Variants in IQSEC1 observed in about 807,000 individuals in gnomAD.
The protein encoded by IQSEC1 is IQ motif and Sec7 domain ArfGEF 1.
A neutral mutation model predicts 91.0 loss-of-function variants in IQSEC1; 31 were observed. The observed-to-expected ratio is 0.34, with a 90% CI of 0.26 to 0.46. IQSEC1 has a LOEUF of 0.46. Among genes scored for constraint, IQSEC1 ranks in the 20% least tolerant of loss-of-function variants. IQSEC1 has a pLI of 1.00. For synonymous variants in IQSEC1, 699 were observed against 662.6 expected (o/e 1.05, Z -0.84); for missense variants, 1,388 against 1,575.6 (o/e 0.88, Z 2.02).
chr3:12,967,748 G>A lies in IQSEC1; in HGVS notation c.24-25883C>T. On this transcript the variant is annotated intron_variant, in intron 1 of 13. Transcript: ENST00000613206. The surrounding 1 kb of genome is among the most constrained non-coding windows in gnomAD (Gnocchi z 5.9). ...CCTGAAGTGGGCGGGGCAGGGCGGG[G>A]GCGGGGCCGGAGGGCGAGCTGGGGG... 10 of 1,036,400 alleles carry A rather than the reference G, an allele frequency of 9.6e-6. No individual in the cohort carries two copies. The highest frequency in any genetic ancestry group is 1.2e-5 in the Non-Finnish European group (10 of 860,930). The allele number at this position is 1,036,400 out of a possible 1,614,324, so 64.2% of individuals were successfully genotyped here. A position where few individuals can be genotyped will look rare whatever the true frequency, so the allele number is the denominator to read the frequency against.
At chr3:12,920,706 T>C in intron 5 of IQSEC1, 110 bp from the exon 6 acceptor site, 1 of 1,156,716 alleles carries the variant, frequency 8.6e-7, no homozygotes, top group South Asian at 1.4e-5. Flanking sequence ...CTGCTTCTGG[T>C]GAGCGAGGAT....
Position 13,277,286 on chromosome 3 carries a change from C to A in IQSEC1, c.272+5425G>T, listed in dbSNP as rs532272330. Among the ~76,000 whole-genome samples, 6 of 152,140 alleles carry A rather than the reference C, an allele frequency of 3.9e-5. No individual in the cohort carries two copies. In the East Asian group the frequency reaches 7.7e-4, roughly 20 times the overall value. On this transcript the variant is annotated intron_variant, in intron 1 of 15. Coordinates refer to the IQSEC1 transcript ENST00000648114. ...TCCAACGTGACCGACCCCTCTCACTCCCCCCGGCACAGCAAAGCCTCCTGA... is the reference window on the plus strand; with the variant it reads ...TCCAACGTGACCGACCCCTCTCACTACCCCCGGCACAGCAAAGCCTCCTGA...
chr3:13,076,646 C>T (rs1427668533), upstream of IQSEC1, among the ~76,000 whole-genome samples: 3 of 152,110 alleles, frequency 2.0e-5, no homozygotes, highest in Non-Finnish European at 2.9e-5. Flanking sequence ...AAGTGAACCC[C>T]CCACCCCCGC....
At position 13,228,337 on chromosome 3, in the gene IQSEC1, C is replaced by G. The variant is rs144580464; in HGVS notation, c.272+54374G>C. Among the ~76,000 whole-genome samples, 125 of 152,282 alleles carry G rather than the reference C, an allele frequency of 8.2e-4. 3 individuals carry two copies. The East Asian group carries it at 0.023, about 28-fold the overall frequency. On this transcript the variant is annotated intron_variant, in intron 1 of 15. Transcript: ENST00000648114. ...AACAAAGGAGCAGGGGAAGGAAGCG[C>G]ACACGTGGGGCTTCGTGGGCTGGAA...
At chr3:12,947,127 G>A (rs1000170208) in intron 1 of IQSEC1, among the ~76,000 whole-genome samples, 16 of 152,358 alleles carry the variant, frequency 1.1e-4, no homozygotes, top group African/African-American at 3.4e-4. Context: ...AAGCAGCCTC[G>A]GGGAGATGAT....
intron 1 of IQSEC1, among the ~76,000 whole-genome samples, chr3:13,226,687 C>T (rs538419175): frequency 6.6e-6 from 1 of 152,202 alleles, no homozygotes; most frequent in Non-Finnish European, 1.5e-5. Flanking sequence ...TTCAATAATG[C>T]CCCAGCATGT....
At chr3:12,901,660 T>C in intron 13 of IQSEC1, 138 bp from the exon 14 acceptor site, 1 of 751,156 alleles carries the variant, frequency 1.3e-6, no homozygotes, top group Non-Finnish European at 2.2e-6. Flanking sequence ...AGGGTGGGGC[T>C]CAGTGAGGCT....
intron 1 of IQSEC1, chr3:13,042,216 G>A (rs1348761231): frequency 6.6e-6 from 1 of 152,138 alleles, no homozygotes; most frequent in Admixed American, 6.5e-5. Context: ...AATCGGGCAG[G>A]ATCAGGGCGA....
intron 1 of IQSEC1, among the ~76,000 whole-genome samples, chr3:12,949,456 C>T (rs1259166078): frequency 6.6e-6 from 1 of 152,266 alleles, no homozygotes. Context: ...GCAGTCTGCA[C>T]AGGCCAGAGC....
chr3:13,100,774 TG>T lies in IQSEC1; in HGVS notation c.303-53253del, dbSNP rs372938054. ...GTTCATTGGACACTGGTCTGGGCCA[TG>T]GGGATTGAGCAGTAAGTAGGAAAGA... On this transcript the variant is annotated intron_variant, in intron 2 of 15. Coordinates refer to the IQSEC1 transcript ENST00000648114. 4.9e-4 allele frequency among the ~76,000 whole-genome samples: 73 copies of T among 148,418 alleles called. 7 individuals carry two copies. In the South Asian group the frequency reaches 9.7e-3, roughly 20 times the overall value.
Position 12,899,264 on chromosome 3 carries a change from A to T in IQSEC1, c.*1719T>A. ...TCCCCTCTCCTCCTGCCGTCCGGCC[A>T]CGGCTCACCACGCTGTCCACTGGGA... is the stretch of plus-strand genomic sequence containing the variant. On this transcript the variant is annotated 3_prime_UTR_variant, in exon 14 of 14. Coordinates refer to ENST00000613206, the MANE Select transcript of IQSEC1 (RefSeq NM_001134382.3). The T allele has an allele frequency of 3.7e-6, 4 of 1,079,922 alleles. No individual in the cohort carries two copies. Among genetic ancestry groups the T allele is most frequent in the Non-Finnish European group, 5.4e-6 (4 of 742,504 alleles). 66.9% of individuals were successfully genotyped at this position (1,079,922 alleles called of 1,614,324 possible). A position where few individuals can be genotyped will look rare whatever the true frequency, so the allele number is the denominator to read the frequency against.
chr3:13,167,031 A>G (rs1321439628), intron 1 of IQSEC1, among the ~76,000 whole-genome samples: 1 of 152,148 alleles, frequency 6.6e-6, no homozygotes, highest in Non-Finnish European at 1.5e-5. Flanking sequence ...ATGTGCAAAC[A>G]TGTGTGCATG....
chr3:13,167,909 C>G (rs1438921404), intron 1 of IQSEC1, among the ~76,000 whole-genome samples: 1 of 152,208 alleles, frequency 6.6e-6, no homozygotes, highest in South Asian at 2.1e-4. Flanking sequence ...GGGCAGAGGC[C>G]TGTCCAGACT....
At position 12,920,485 on chromosome 3, in the gene IQSEC1, G is replaced by A. The variant is rs1696524922; in HGVS notation, c.1965C>T (p.Pro655=). The A allele has an allele frequency of 6.2e-7, 1 of 1,614,090 alleles. No individual in the cohort carries two copies. The highest frequency in any genetic ancestry group is 2.2e-5 in the East Asian group (1 of 44,896). Residue 655 remains proline, a synonymous_variant, in exon 6 of 14, where the codon CCC becomes CCT. Coordinates refer to ENST00000613206, the MANE Select transcript of IQSEC1 (RefSeq NM_001134382.3). The part of the protein sequence containing the change: ...IILLNTDMYS[P]NVKPERKMKL... ...TCATTTTCCGCTCGGGCTTGACATT[G>A]GGGCTGTACATGTCGGTGTTCAGCA...
intron 1 of IQSEC1, among the ~76,000 whole-genome samples, chr3:12,990,866 A>C (rs1399976287): frequency 1.3e-5 from 2 of 152,244 alleles, no homozygotes; most frequent in African/African-American, 4.8e-5. Context: ...AATGGGAAAT[A>C]CATGTGAAAG....
Position 12,913,429 on chromosome 3 carries a change from AC to A in IQSEC1, c.2314del (p.Val772TrpfsTer13). The A allele has an allele frequency of 6.3e-7, 1 of 1,592,266 alleles. No individual in the cohort carries two copies. On this transcript the variant is annotated frameshift_variant and splice_region_variant, in exon 9 of 14. Coordinates refer to ENST00000613206, the MANE Select transcript of IQSEC1 (RefSeq NM_001134382.3). LOFTEE classifies it high-confidence loss of function. ...REIFLFNDLL[V>X]VTKIFQKKKN... ...ATGCCTTGTGGGTGAGCCACATACCACCAGGAGGTCGTTGAACAGGAAGATT... is the reference window on the plus strand; with the variant it reads ...ATGCCTTGTGGGTGAGCCACATACCACAGGAGGTCGTTGAACAGGAAGATT...
At chr3:13,009,261 G>A (rs538467875) in intron 1 of IQSEC1, among the ~76,000 whole-genome samples, 177 of 152,296 alleles carry the variant, frequency 1.2e-3, no homozygotes, top group African/African-American at 4.0e-3. Context: ...ATCCAGGACC[G>A]GTGCCCGGAC....
At chr3:13,111,911 T>C (rs934265830) in intron 2 of IQSEC1, among the ~76,000 whole-genome samples, 4 of 152,202 alleles carry the variant, frequency 2.6e-5, no homozygotes, top group Admixed American at 6.5e-5. Context: ...TAGATTATTA[T>C]AGGACTCCCA....
intron 1 of IQSEC1, among the ~76,000 whole-genome samples, chr3:13,033,765 C>A (rs1274918588): frequency 6.6e-6 from 1 of 152,184 alleles, no homozygotes; most frequent in Non-Finnish European, 1.5e-5. Flanking sequence ...GATTACTGAG[C>A]TTCTGTTCAA....
Sources: allele counts gnomAD v4.1 joint callset (sites outside exome capture counted in the v4.1 genomes callset), GRCh38; gene constraint gnomAD v4.1.1; non-coding constraint Gnocchi (gnomAD v3.1); transcripts MANE v1.5; gene names NCBI Gene and HGNC (gene_info 2026-07-23, HGNC 2026-07-21).